ARID5B: variants seen among roughly 807,000 people sequenced by gnomAD.
ARID5B encodes the protein AT-rich interaction domain 5B, also known as AT-rich interactive domain-containing protein 5B.
ARID5B carries 13 observed loss-of-function variants against 97.2 expected under a neutral mutation model. That is an observed-to-expected ratio of 0.13 (90% confidence interval 0.09 to 0.21). The LOEUF (loss-of-function observed/expected upper bound fraction) is 0.21. ARID5B is among the 10% of genes least tolerant of loss of function. The pLI is 1.00. For missense variants in ARID5B, 1,210 were observed against 1,465.3 expected, an observed-to-expected ratio of 0.83 and a Z score of 2.84; for synonymous variants, 556 against 570.3, an observed-to-expected ratio of 0.97 and a Z score of 0.36.
At chr10:61,959,940 A>T (rs1838446166) in intron 3 of ARID5B, among the ~76,000 whole-genome samples, 1 of 152,148 alleles carries the variant, frequency 6.6e-6, no homozygotes. Context: ...ATTTGAGGAC[A>T]CTCATGAACA....
intron 3 of ARID5B, among the ~76,000 whole-genome samples, chr10:61,944,790 T>C (rs920783445): frequency 2.0e-5 from 3 of 152,222 alleles, no homozygotes; most frequent in Non-Finnish European, 2.9e-5. Context: ...TTGTCAATTA[T>C]GCTGCCACAA....
intron 4 of ARID5B, among the ~76,000 whole-genome samples, chr10:62,010,426 G>A (rs1019338323): frequency 6.6e-6 from 1 of 152,184 alleles, no homozygotes; most frequent in Admixed American, 6.5e-5. Flanking sequence ...CTCCTTGAGG[G>A]GGTAAGAATC....
intron 8 of ARID5B, among the ~76,000 whole-genome samples, chr10:62,080,593 A>G (rs543391848): frequency 1.3e-5 from 2 of 152,320 alleles, no homozygotes; most frequent in East Asian, 3.9e-4. Context: ...TATTGGCTCC[A>G]TATTTGGTGA....
intron 4 of ARID5B, among the ~76,000 whole-genome samples, chr10:62,035,709 C>G (rs1406682157): frequency 6.6e-6 from 1 of 151,768 alleles, no homozygotes; most frequent in East Asian, 1.9e-4. Flanking sequence ...CCAGGCTGGT[C>G]TCAGTGTGAG....
At chr10:62,064,052 CAGTT>C (rs1025861717) in intron 7 of ARID5B, among the ~76,000 whole-genome samples, 4 of 152,158 alleles carry the variant, frequency 2.6e-5, no homozygotes, top group African/African-American at 9.7e-5. Context: ...CTAAGAATGT[CAGTT>C]AGCAACCCTT....
At chr10:61,977,297 G>A (rs562644888) in intron 3 of ARID5B, among the ~76,000 whole-genome samples, 2 of 152,292 alleles carry the variant, frequency 1.3e-5, no homozygotes, top group East Asian at 3.9e-4. Context: ...TTGCTATTGT[G>A]AATAGTGCTG....
At chr10:61,976,549 G>A (rs972710168) in intron 3 of ARID5B, among the ~76,000 whole-genome samples, 4 of 152,308 alleles carry the variant, frequency 2.6e-5, no homozygotes, top group Non-Finnish European at 5.9e-5. Flanking sequence ...TAGAGTGTAT[G>A]CTGTTGAAAC....
chr10:62,069,561 C>T, intron 7 of ARID5B, 139 bp from the exon 8 acceptor site: 5 of 696,650 alleles, frequency 7.2e-6, no homozygotes, highest in African/African-American at 1.8e-5. Context: ...CATAAATCAC[C>T]CCATATACTC....
At chr10:61,966,549 A>T (rs530766673) in intron 3 of ARID5B, among the ~76,000 whole-genome samples, 1 of 152,176 alleles carries the variant, frequency 6.6e-6, no homozygotes, top group East Asian at 1.9e-4. Context: ...CATGCTCTGA[A>T]TTTTAGAAAA....
In ARID5B at chr10:62,033,266, GTC is replaced by G. The variant is rs367720873; in HGVS notation, c.734-17608_734-17607del. On this transcript the variant is annotated intron_variant, in intron 4 of 9. Coordinates refer to ENST00000279873, the MANE Select transcript of ARID5B (RefSeq NM_032199.3). ...TTAGAGAATAAGGACACTTGGCATA[GTC>G]TCTCTCTCTCTCTGTCTGTCACTCT... Among the ~76,000 whole-genome samples, 124 of 151,122 alleles carry G rather than the reference GTC, an allele frequency of 8.2e-4. 1 individual carries two copies. The highest frequency in any genetic ancestry group is 2.7e-3 in the African/African-American group (111 of 41,380).
At chr10:61,940,456 A>C in intron 3 of ARID5B, 48 bp downstream of exon 3, 1 of 1,509,336 alleles carries the variant, frequency 6.6e-7, no homozygotes. Context: ...CGTATATAGT[A>C]ACTTTTCGGT....
At chr10:61,945,997 T>G (rs2132804688) in intron 3 of ARID5B, among the ~76,000 whole-genome samples, 1 of 148,360 alleles carries the variant, frequency 6.7e-6, no homozygotes, top group East Asian at 1.9e-4. Context: ...ATGACTATTA[T>G]TTTAATATAT....
chr10:61,944,364 A>C (rs1286226157), intron 3 of ARID5B, among the ~76,000 whole-genome samples: 2 of 152,186 alleles, frequency 1.3e-5, no homozygotes, highest in Non-Finnish European at 2.9e-5. Context: ...TTTATAATAA[A>C]GTGGACTTGA....
chr10:61,977,136 G>T (rs534078470), intron 3 of ARID5B, among the ~76,000 whole-genome samples: 26 of 152,280 alleles, frequency 1.7e-4, no homozygotes, highest in Admixed American at 7.8e-4. Context: ...GCAATAGTTT[G>T]CTGAGAATGG....
chr10:61,958,383 C>T (rs375612361), intron 3 of ARID5B, among the ~76,000 whole-genome samples: 27 of 152,254 alleles, frequency 1.8e-4, no homozygotes, highest in Admixed American at 3.3e-4. Flanking sequence ...TGCCCGCCAC[C>T]GCGCCCGGCT....
intron 6 of ARID5B, among the ~76,000 whole-genome samples, chr10:62,058,203 G>A (rs1307923382): frequency 1.3e-5 from 2 of 152,174 alleles, no homozygotes; most frequent in African/African-American, 4.8e-5. Context: ...TACAATGTTT[G>A]TCTGAAAACT....
At chr10:62,049,865 C>A (rs10821948) in intron 4 of ARID5B, among the ~76,000 whole-genome samples, 53,060 of 151,982 alleles carry the variant, frequency 0.35, 9,578 homozygotes, top group East Asian at 0.5. Flanking sequence ...GTCATAATCA[C>A]TCCTTAAGTA....
intron 2 of ARID5B, among the ~76,000 whole-genome samples, chr10:61,904,966 CT>C (rs1212524932): frequency 2.0e-5 from 3 of 152,218 alleles, no homozygotes; most frequent in African/African-American, 4.8e-5. Context: ...GGAGGAGAGC[CT>C]TACAGAAACC....
intron 3 of ARID5B, among the ~76,000 whole-genome samples, chr10:61,971,461 G>A (rs150532253): frequency 0.012 from 1,880 of 152,300 alleles, 23 homozygotes; most frequent in Non-Finnish European, 0.019. Flanking sequence ...TTGTTGATAT[G>A]TTTGTGTCTA....
Sources: gnomAD v4.1 joint callset for allele counts (sites outside exome capture counted in the v4.1 genomes callset) on GRCh38, gnomAD v4.1.1 for gene constraint, MANE v1.5 for transcripts, NCBI Gene and HGNC (gene_info 2026-07-23, HGNC 2026-07-21) for gene names.